The following KCNK18 variants were observed in gnomAD, a reference collection of about 807,000 sequenced individuals.
KCNK18 encodes the protein potassium two pore domain channel subfamily K member 18, also known as potassium channel subfamily K member 18.
In KCNK18, 8 loss-of-function variants were observed where a neutral mutation model predicts 11.8. That is an observed-to-expected ratio of 0.68 (90% CI 0.40 to 1.22). The LOEUF (loss-of-function observed/expected upper bound fraction) is 1.22. Among genes scored for constraint, KCNK18 ranks in the 50% most tolerant of loss-of-function variants. The pLI, the probability that KCNK18 is intolerant of heterozygous loss-of-function variation, is 0.01. For synonymous variants in KCNK18, 208 were observed against 185.8 expected, an observed-to-expected ratio of 1.12 and a Z score of -0.97; for missense variants, 442 against 465.4, an observed-to-expected ratio of 0.95 and a Z score of 0.46.
Position 117,205,980 on chromosome 10 carries a change from G to T in KCNK18, c.353-3517G>T, listed in dbSNP as rs535471827. On this transcript the variant is annotated intron_variant, in intron 2 of 2. Coordinates refer to ENST00000334549, the MANE Select transcript of KCNK18 (RefSeq NM_181840.1). The stretch of plus-strand genomic sequence containing the variant: ...CAAGAGAATCTCTTGAACCCAGGAG[G>T]TGGAGGTTGCAGTAAGCCAAGGTCG... Among the ~76,000 whole-genome samples the T allele has an allele frequency of 2.1e-3, 315 of 152,160 alleles. 1 individual carries two copies. The highest frequency in any genetic ancestry group is 7.3e-3 in the African/African-American group (302 of 41,494).
In KCNK18 at chr10:117,206,772, C is replaced by T. The variant is rs541193459; in HGVS notation, c.353-2725C>T. ...CTCACTAGGCAGACACAGCCCAGTG[C>T]CCCGAGCCCTGAGCTCCAAGCTTGG... On this transcript the variant is annotated intron_variant, in intron 2 of 2. Transcript: ENST00000334549. Among the ~76,000 whole-genome samples, 4 of 152,306 alleles carry T rather than the reference C, an allele frequency of 2.6e-5. No individual in the cohort carries two copies. In the South Asian group the frequency reaches 8.3e-4, roughly 32 times the overall value.
intron 2 of KCNK18, among the ~76,000 whole-genome samples, chr10:117,204,208 G>T (rs1855048852): frequency 6.7e-6 from 1 of 148,662 alleles, no homozygotes; most frequent in Non-Finnish European, 1.5e-5. Context: ...ACTGCAGTGA[G>T]CCATGATCGC....
At chr10:117,200,784 C>A (rs1407516285) in intron 1 of KCNK18, among the ~76,000 whole-genome samples, 18 of 151,462 alleles carry the variant, frequency 1.2e-4, no homozygotes, top group Middle Eastern at 3.4e-3. Context: ...TGCACTCCAG[C>A]CTGGCAACAG....
chr10:117,204,239 G>A (rs1019873259), intron 2 of KCNK18, among the ~76,000 whole-genome samples: 2 of 147,034 alleles, frequency 1.4e-5, no homozygotes, highest in African/African-American at 5.0e-5. Flanking sequence ...TCCAGCCTGG[G>A]TGACAAGAGT....
intron 2 of KCNK18, among the ~76,000 whole-genome samples, chr10:117,207,789 C>T (rs1439523005): frequency 1.3e-5 from 2 of 152,324 alleles, no homozygotes; most frequent in East Asian, 1.9e-4. Context: ...AGCTGCACTT[C>T]TGGAGGAAGT....
chr10:117,199,796 T>C (rs888068721), intron 1 of KCNK18, among the ~76,000 whole-genome samples: 2 of 151,782 alleles, frequency 1.3e-5, no homozygotes, highest in East Asian at 3.9e-4. Flanking sequence ...TGGTGCCAAT[T>C]AAAAGGAGTA....
At chr10:117,202,445 G>A (rs560073683) in intron 2 of KCNK18, among the ~76,000 whole-genome samples, 1 of 152,346 alleles carries the variant, frequency 6.6e-6, no homozygotes, top group East Asian at 1.9e-4. Flanking sequence ...ACAGCTCTAG[G>A]CTGATATGCA....
intron 1 of KCNK18, among the ~76,000 whole-genome samples, chr10:117,200,843 C>T (rs986386581): frequency 1.8e-4 from 27 of 150,144 alleles, no homozygotes; most frequent in Non-Finnish European, 3.1e-4. Flanking sequence ...AAAGAAATGG[C>T]GGTTCAGAAA....
At chr10:117,201,009 A>C in intron 1 of KCNK18, 150 bp from the exon 2 acceptor site, 2 of 879,104 alleles carry the variant, frequency 2.3e-6, no homozygotes, top group Non-Finnish European at 3.7e-6. Context: ...ATTTTAAAGG[A>C]GGACTCCGAC....
intron 1 of KCNK18, 142 bp from the exon 2 acceptor site, chr10:117,201,017 G>T (rs1030381872): frequency 2.1e-6 from 2 of 961,822 alleles, no homozygotes; most frequent in Admixed American, 3.5e-5. Context: ...GGAGGACTCC[G>T]ACCACCGAGC....
In KCNK18 at chr10:117,199,184, G is replaced by A. The variant is rs145579945; in HGVS notation, c.223+1473G>A. Among the ~76,000 whole-genome samples, 25 of 152,340 alleles carry A rather than the reference G, an allele frequency of 1.6e-4. 1 individual carries two copies. In the East Asian group the frequency reaches 4.8e-3, roughly 29 times the overall value. On this transcript the variant is annotated intron_variant, in intron 1 of 2. Coordinates refer to ENST00000334549, the MANE Select transcript of KCNK18 (RefSeq NM_181840.1). ...AAATTAAAAAATTTAGTCAGATGAG[G>A]TGGCGTGCACTTGTAGTCCCAGCTA... is the stretch of plus-strand genomic sequence containing the variant.
intron 1 of KCNK18, among the ~76,000 whole-genome samples, chr10:117,199,174 G>T (rs975779577): frequency 2.6e-5 from 4 of 152,160 alleles, no homozygotes; most frequent in Non-Finnish European, 5.9e-5. Context: ...AAAAAATTTA[G>T]TCAGATGAGG....
At chr10:117,204,049 G>A (rs776141682) in intron 2 of KCNK18, among the ~76,000 whole-genome samples, 4 of 152,120 alleles carry the variant, frequency 2.6e-5, no homozygotes, top group Non-Finnish European at 2.9e-5. Flanking sequence ...GGGAGGATCA[G>A]GTGAGAGTTG....
intron 2 of KCNK18, among the ~76,000 whole-genome samples, chr10:117,207,783 G>A (rs1855093059): frequency 6.6e-6 from 1 of 152,232 alleles, no homozygotes. Flanking sequence ...ACAGGGAGCT[G>A]CACTTCTGGA....
chr10:117,204,131 G>A (rs1438219808), intron 2 of KCNK18, among the ~76,000 whole-genome samples: 3 of 152,006 alleles, frequency 2.0e-5, no homozygotes, highest in Middle Eastern at 3.2e-3. Context: ...GCGTGGTGAC[G>A]TGCACCTGTA....
At chr10:117,200,851 A>C (rs947657947) in intron 1 of KCNK18, among the ~76,000 whole-genome samples, 2 of 150,856 alleles carry the variant, frequency 1.3e-5, no homozygotes, top group Non-Finnish European at 2.9e-5. Context: ...GGCGGTTCAG[A>C]AAATTAAAAG....
At chr10:117,201,333 T>A in intron 2 of KCNK18, 46 bp downstream of exon 2, 1 of 1,604,042 alleles carries the variant, frequency 6.2e-7, no homozygotes, top group Non-Finnish European at 8.5e-7. Context: ...CTGTGAAGGG[T>A]GGGTTTCTGG....
At chr10:117,201,705 C>T (rs537728955) in intron 2 of KCNK18, among the ~76,000 whole-genome samples, 2 of 152,340 alleles carry the variant, frequency 1.3e-5, no homozygotes, top group East Asian at 1.9e-4. Context: ...GATGCTTCCT[C>T]GTGCTTATGA....
At chr10:117,197,745 C>G in intron 1 of KCNK18, 34 bp downstream of exon 1, 1 of 1,586,064 alleles carries the variant, frequency 6.3e-7, no homozygotes, top group Non-Finnish European at 8.6e-7. Context: ...TGGGCCTTTT[C>G]TCCGTGGTGG....
Sources: allele counts gnomAD v4.1 joint callset (sites outside exome capture counted in the v4.1 genomes callset), GRCh38; gene constraint gnomAD v4.1.1; transcripts MANE v1.5; gene names NCBI Gene and HGNC (gene_info 2026-07-23, HGNC 2026-07-21).